Variants in RBM44 observed in about 807,000 individuals in gnomAD.
RBM44 encodes the protein RNA binding motif protein 44.
Under a neutral mutation model 105.1 loss-of-function variants are expected in RBM44, and 66 were observed. The ratio of observed to expected loss-of-function variants is 0.63; its 90% confidence interval spans 0.52 to 0.77. RBM44 has a LOEUF of 0.77. Ranked by LOEUF, RBM44 falls within the 30% of genes least tolerant of loss-of-function variation. The pLI, the probability that RBM44 is intolerant of heterozygous loss-of-function variation, is 0.00. For missense variants in RBM44, 1,122 were observed against 1,207.8 expected (o/e 0.93, Z 1.05); for synonymous variants, 365 against 417.6 (o/e 0.87, Z 1.54).
At chr2:237,830,265 G>C (rs761574038) in intron 13 of RBM44, among the ~76,000 whole-genome samples, 1 of 151,980 alleles carries the variant, frequency 6.6e-6, no homozygotes, top group Non-Finnish European at 1.5e-5. Context: ...GTGTATACTG[G>C]TATTTTATTC....
intron 12 of RBM44, among the ~76,000 whole-genome samples, chr2:237,827,837 C>T (rs969964467): frequency 1.3e-5 from 2 of 152,106 alleles, no homozygotes; most frequent in Non-Finnish European, 1.5e-5. Flanking sequence ...AACATCGGTT[C>T]AATTCCCAGC....
At chr2:237,827,742 AT>A (rs2061862625) in intron 12 of RBM44, among the ~76,000 whole-genome samples, 1 of 152,020 alleles carries the variant, frequency 6.6e-6, no homozygotes, top group South Asian at 2.1e-4. Context: ...AGAGTTATTG[AT>A]TTTTGTATAC....
Position 237,817,251 on chromosome 2 carries a change from CA to C in RBM44, c.333del (p.Tyr112IlefsTer10), listed in dbSNP as rs770997283. The C allele has an allele frequency of 6.2e-7, 1 of 1,604,862 alleles. No homozygotes were observed. Among genetic ancestry groups the C allele is most frequent in the Non-Finnish European group, 8.5e-7 (1 of 1,176,368 alleles). ...ACTGACTATGCTTTCTTGAATAAAA[CA>C]TATTCTATACCTTATTCAGAGTCAA... ...DSTDYAFLNK[T>X]YSIPYSESKL... On this transcript the variant is annotated frameshift_variant, in exon 3 of 16. Coordinates refer to ENST00000316997, the MANE Select transcript of RBM44 (RefSeq NM_001080504.3). LOFTEE classifies it high-confidence loss of function.
chr2:237,827,584 G>A, intron 12 of RBM44, 81 bp downstream of exon 12: 3 of 814,260 alleles, frequency 3.7e-6, no homozygotes, highest in Non-Finnish European at 6.0e-6. Context: ...ATCAGCCACA[G>A]TGGTGATAAA....
At chr2:237,832,266 C>T (rs541483709) in intron 13 of RBM44, among the ~76,000 whole-genome samples, 1 of 152,010 alleles carries the variant, frequency 6.6e-6, no homozygotes, top group South Asian at 2.1e-4. Context: ...GCAATCCTCC[C>T]ACCTCAGCCT....
At chr2:237,833,754 T>G (rs1403203564) in intron 13 of RBM44, among the ~76,000 whole-genome samples, 1 of 152,116 alleles carries the variant, frequency 6.6e-6, no homozygotes, top group East Asian at 1.9e-4. Flanking sequence ...AAAGCCTTAT[T>G]TAGACATAGC....
In RBM44 at chr2:237,827,272, A is replaced by C. The variant is rs1402784109; in HGVS notation, c.2472A>C (p.Ser824=). 1.3e-6 allele frequency: 2 copies of C among 1,587,654 alleles called. No homozygotes were observed. The highest frequency in any genetic ancestry group is 1.7e-6 in the Non-Finnish European group (2 of 1,161,192). ...CAGAAATGAAGAATGTTGAACCCTC[A>C]CAAAGAGATAAAGGTTATTTGATAC... ...LTGEMKNVEP[S]QRDKGYLIHV... Residue 824 remains serine (S), a synonymous_variant, in exon 11 of 16, where the codon TCA becomes TCC. Transcript: ENST00000316997.
At chr2:237,801,010 C>T (rs898283129) in intron 1 of RBM44, among the ~76,000 whole-genome samples, 4 of 152,156 alleles carry the variant, frequency 2.6e-5, no homozygotes, top group Admixed American at 6.5e-5. Flanking sequence ...TGAGCTACTG[C>T]GCCCAGCTGG....
intron 1 of RBM44, among the ~76,000 whole-genome samples, chr2:237,809,816 C>A (rs1330733578): frequency 6.6e-6 from 1 of 152,148 alleles, no homozygotes; most frequent in African/African-American, 2.4e-5. Context: ...CCTGTAATCC[C>A]AGCTACTCAG....
rs1188889139 is a variant in RBM44, at chr2:237,824,424, G to T, written c.2449+5G>T. On this transcript the variant is annotated splice_donor_5th_base_variant and intron_variant, in intron 10 of 15. Coordinates refer to ENST00000316997, the MANE Select transcript of RBM44 (RefSeq NM_001080504.3). The stretch of plus-strand genomic sequence containing the variant: ...GGAATTTGGATCTTACAGGAGGTTG[G>T]TTCTCAAGAATTTACCGAGAAATCC... 1 of 1,610,910 alleles carries T rather than the reference G, an allele frequency of 6.2e-7. No individual in the cohort carries two copies. Among genetic ancestry groups the T allele is most frequent in the Non-Finnish European group, 8.5e-7 (1 of 1,178,192 alleles).
At chr2:237,821,702 T>G in intron 7 of RBM44, 41 bp from the exon 8 acceptor site, 1 of 1,386,590 alleles carries the variant, frequency 7.2e-7, no homozygotes, top group Non-Finnish European at 1.0e-6. Context: ...TACTCTGTTA[T>G]CAAACATTAG....
At chr2:237,800,884 G>A (rs113915176) in intron 1 of RBM44, among the ~76,000 whole-genome samples, 3,595 of 152,012 alleles carry the variant, frequency 0.024, 114 homozygotes, top group African/African-American at 0.072. Context: ...CCACTACCAC[G>A]CCCACTCTAT....
rs963980652 is a variant in RBM44, at chr2:237,817,848, A to T, written c.929A>T (p.Gln310Leu). Residue 310 changes from glutamine (Q) to leucine (L), a missense_variant, in exon 3 of 16, where the codon CAA becomes CTA. Coordinates refer to ENST00000316997, the MANE Select transcript of RBM44 (RefSeq NM_001080504.3). ...RSNSPGNQESQSKSGSLSPQK... is the reference protein window; with the variant it reads ...RSNSPGNQESLSKSGSLSPQK... ...AATTCTCCAGGAAACCAGGAATCTCAATCTAAGAGTGGTTCCTTGAGCCCT... is the reference window on the plus strand; with the variant it reads ...AATTCTCCAGGAAACCAGGAATCTCTATCTAAGAGTGGTTCCTTGAGCCCT... 19 of 1,607,496 alleles carry T rather than the reference A, an allele frequency of 1.2e-5. No homozygotes were observed. The highest frequency in any genetic ancestry group is 1.4e-5 in the Non-Finnish European group (17 of 1,175,280).
chr2:237,821,916 T>G, intron 8 of RBM44, 89 bp downstream of exon 8: 1 of 802,692 alleles, frequency 1.2e-6, no homozygotes, highest in Non-Finnish European at 2.1e-6. Context: ...CCTGACATCC[T>G]TCTTTTCACT....
intron 1 of RBM44, among the ~76,000 whole-genome samples, chr2:237,808,601 G>A (rs1400535664): frequency 1.3e-5 from 2 of 152,050 alleles, no homozygotes; most frequent in African/African-American, 4.8e-5. Context: ...TGAAATGGAA[G>A]GTTAAACTAT....
At chr2:237,828,056 A>G (rs560923497) in intron 12 of RBM44, among the ~76,000 whole-genome samples, 1 of 152,256 alleles carries the variant, frequency 6.6e-6, no homozygotes, top group South Asian at 2.1e-4. Context: ...TTCTGATTTC[A>G]GTTACTTTTT....
At chr2:237,827,706 T>C (rs1241609911) in intron 12 of RBM44, among the ~76,000 whole-genome samples, 1 of 152,132 alleles carries the variant, frequency 6.6e-6, no homozygotes, top group Non-Finnish European at 1.5e-5. Context: ...TTCATTATAC[T>C]TTATAACTTG....
chr2:237,802,493 G>A (rs755378594), intron 1 of RBM44, among the ~76,000 whole-genome samples: 6 of 152,134 alleles, frequency 3.9e-5, no homozygotes, highest in Non-Finnish European at 5.9e-5. Context: ...ACCGGTGTCT[G>A]GTACCAAAAA....
chr2:237,812,464 A>G (rs1163806577), intron 1 of RBM44, among the ~76,000 whole-genome samples: 1 of 152,210 alleles, frequency 6.6e-6, no homozygotes, highest in Non-Finnish European at 1.5e-5. Context: ...CAAAGTCCAC[A>G]TAGCTTACTA....
Sources: gnomAD v4.1 joint callset for allele counts (sites outside exome capture counted in the v4.1 genomes callset) on GRCh38, gnomAD v4.1.1 for gene constraint, MANE v1.5 for transcripts, NCBI Gene and HGNC (gene_info 2026-07-23, HGNC 2026-07-21) for gene names.